Variants in INPP5B observed in about 807,000 individuals in gnomAD.
The protein encoded by INPP5B is inositol polyphosphate-5-phosphatase B.
In INPP5B, 90 loss-of-function variants were observed where a neutral mutation model predicts 118.5. That is an observed-to-expected ratio of 0.76 (90% confidence interval 0.64 to 0.90). The LOEUF (loss-of-function observed/expected upper bound fraction) is 0.90, where lower values mean the gene tolerates loss of function less well. INPP5B is among the 40% of genes least tolerant of loss of function. The probability of loss-of-function intolerance (pLI) is 0.00; values close to 1 mark genes in which losing one functional copy is unlikely to be tolerated. For missense variants in INPP5B, 984 were observed against 1,125.6 expected, an observed-to-expected ratio of 0.87 and a Z score of 1.80; for synonymous variants, 385 against 418.9, an observed-to-expected ratio of 0.92 and a Z score of 0.99.
chr1:37,885,943 T>C (rs1643504006), intron 12 of INPP5B, 118 bp from the exon 13 acceptor site: 4 of 835,572 alleles, frequency 4.8e-6, no homozygotes, highest in Non-Finnish European at 7.7e-6. Context: ...ACTTTGGGAG[T>C]CCGAGGCGGG....
intron 20 of INPP5B, among the ~76,000 whole-genome samples, chr1:37,868,188 C>CT (rs1335048387): frequency 6.6e-6 from 1 of 152,028 alleles, no homozygotes; most frequent in Non-Finnish European, 1.5e-5. Context: ...TGGCAGGTGC[C>CT]TGTAATCCCA....
At chr1:37,911,438 C>T (rs1644695453) in intron 7 of INPP5B, among the ~76,000 whole-genome samples, 1 of 152,164 alleles carries the variant, frequency 6.6e-6, no homozygotes, top group South Asian at 2.1e-4. Flanking sequence ...CCCCATATTT[C>T]CTTCTTTCCT....
chr1:37,891,503 G>A, intron 7 of INPP5B, 49 bp from the exon 8 acceptor site: 1 of 1,349,212 alleles, frequency 7.4e-7, no homozygotes, highest in Non-Finnish European at 1.1e-6. Context: ...GGCTGGACAT[G>A]GTGGCTCATG....
chr1:37,887,375 A>G lies in INPP5B; in HGVS notation c.990T>C (p.Leu330=). ...EEWFKAVSEG[L]HPDAKYAKVK... ...CCTTTGCATATTTGGCATCTGGATG[A>G]AGACCCTCTGACACAGCTTTGAACC... The change falls in exon 11 of 24, where the codon CTT becomes CTC. Residue 330 remains leucine (L), a synonymous_variant. Coordinates refer to ENST00000373024, the MANE Select transcript of INPP5B (RefSeq NM_005540.3). 1 of 1,611,278 alleles carries G rather than the reference A, an allele frequency of 6.2e-7. No homozygotes were observed. The highest frequency in any genetic ancestry group is 8.5e-7 in the Non-Finnish European group (1 of 1,177,724).
intron 6 of INPP5B, among the ~76,000 whole-genome samples, chr1:37,932,928 G>C (rs544400211): frequency 6.6e-6 from 1 of 152,074 alleles, no homozygotes; most frequent in African/African-American, 2.4e-5. Context: ...AGAAATTCTT[G>C]AGTCACCTCT....
At chr1:37,876,890 T>C (rs1367153983) in intron 16 of INPP5B, among the ~76,000 whole-genome samples, 1 of 142,070 alleles carries the variant, frequency 7.0e-6, no homozygotes, top group Non-Finnish European at 1.6e-5. Flanking sequence ...AAAAAAAAAA[T>C]TAGTCAGGTA....
chr1:37,915,623 C>T (rs550449513), intron 7 of INPP5B, among the ~76,000 whole-genome samples: 34 of 152,318 alleles, frequency 2.2e-4, no homozygotes, highest in Non-Finnish European at 4.4e-4. Flanking sequence ...AGATACCACA[C>T]TTATAAATAT....
chr1:37,885,443 A>G, intron 13 of INPP5B, 195 bp downstream of exon 13: 1 of 513,320 alleles, frequency 1.9e-6, no homozygotes, highest in Non-Finnish European at 3.4e-6. Flanking sequence ...AAAGAGAAAG[A>G]CTCAAGAGAT....
Position 37,888,225 on chromosome 1 carries a change from T to C in INPP5B, c.899+18A>G. 1 of 1,441,072 alleles carries C rather than the reference T, an allele frequency of 6.9e-7. No homozygotes were observed. Among genetic ancestry groups the C allele is most frequent in the Non-Finnish European group, 9.3e-7 (1 of 1,077,720 alleles). The allele number at this position is 1,441,072 out of a possible 1,614,324, so 89.3% of individuals were successfully genotyped here. On this transcript the variant is annotated intron_variant, in intron 10 of 23. Coordinates refer to ENST00000373024, the MANE Select transcript of INPP5B (RefSeq NM_005540.3). ...GTGTGCTTGAAGATGGAGAGGGGAC[T>C]AGAAGAGAAGCACTCACCCTACACA...
intron 1 of INPP5B, 129 bp from the exon 2 acceptor site, chr1:37,946,463 ATCC>A (rs932239102): frequency 2.6e-4 from 168 of 644,260 alleles, no homozygotes; most frequent in Middle Eastern, 1.2e-3. Context: ...GGGAGGCCTG[ATCC>A]TCCTCCTCCT....
intron 14 of INPP5B, among the ~76,000 whole-genome samples, chr1:37,881,171 C>T (rs1344796623): frequency 1.3e-5 from 2 of 152,158 alleles, no homozygotes; most frequent in Non-Finnish European, 2.9e-5. Flanking sequence ...ACAGTTGCTC[C>T]AAATATACAT....
intron 7 of INPP5B, among the ~76,000 whole-genome samples, chr1:37,902,949 T>C (rs1644382794): frequency 6.6e-6 from 1 of 151,688 alleles, no homozygotes; most frequent in Admixed American, 6.6e-5. Context: ...TATCACTGCA[T>C]TCCACTCTGG....
chr1:37,883,247 G>C (rs1260768414), intron 13 of INPP5B: 3 of 985,290 alleles, frequency 3.0e-6, no homozygotes, highest in African/African-American at 3.5e-5. Context: ...ATCAAGAATT[G>C]AGAGTCACGC....
chr1:37,941,087 TAGTC>T (rs759583890), intron 5 of INPP5B, among the ~76,000 whole-genome samples: 1 of 151,946 alleles, frequency 6.6e-6, no homozygotes, highest in Non-Finnish European at 1.5e-5. Context: ...TCTGGATGTG[TAGTC>T]TGTTCCCCTC....
At chr1:37,915,753 A>G (rs904710310) in intron 7 of INPP5B, among the ~76,000 whole-genome samples, 15 of 152,212 alleles carry the variant, frequency 9.9e-5, no homozygotes, top group African/African-American at 3.6e-4. Context: ...CTTTTTGCTT[A>G]TATGTATTTC....
At chr1:37,872,610 A>G (rs1642529149) in intron 19 of INPP5B, among the ~76,000 whole-genome samples, 1 of 151,672 alleles carries the variant, frequency 6.6e-6, no homozygotes, top group Non-Finnish European at 1.5e-5. Flanking sequence ...GCTAACACCA[A>G]GACATGTGAG....
intron 7 of INPP5B, among the ~76,000 whole-genome samples, chr1:37,911,644 C>G (rs1024401386): frequency 6.6e-6 from 1 of 152,304 alleles, no homozygotes; most frequent in East Asian, 1.9e-4. Flanking sequence ...AAAAGGACTA[C>G]GAGTCAATAT....
At chr1:37,936,381 G>A (rs1045889225) in intron 6 of INPP5B, among the ~76,000 whole-genome samples, 1 of 152,080 alleles carries the variant, frequency 6.6e-6, no homozygotes, top group African/African-American at 2.4e-5. Context: ...CGCACTTTGG[G>A]AGGCCGAGGC....
chr1:37,908,937 C>T (rs548065159), intron 7 of INPP5B, among the ~76,000 whole-genome samples: 1 of 152,300 alleles, frequency 6.6e-6, no homozygotes, highest in East Asian at 1.9e-4. Context: ...CCTTCTTCTC[C>T]TTTAGCCTGT....
Sources: gnomAD v4.1 joint callset for allele counts (sites outside exome capture counted in the v4.1 genomes callset) on GRCh38, gnomAD v4.1.1 for gene constraint, MANE v1.5 for transcripts, NCBI Gene and HGNC (gene_info 2026-07-23, HGNC 2026-07-21) for gene names.